COPS4: variants seen among roughly 807,000 people sequenced by gnomAD.
COPS4 encodes COP9 signalosome complex subunit 4.
A neutral mutation model predicts 55.1 loss-of-function variants in COPS4; 8 were observed. The observed-to-expected ratio is 0.15, with a 90% CI of 0.09 to 0.26. COPS4 has a LOEUF of 0.26. Ranked by LOEUF, COPS4 falls within the 10% of genes least tolerant of loss-of-function variation. The pLI, the probability that COPS4 is intolerant of heterozygous loss-of-function variation, is 1.00. For missense variants in COPS4, 248 were observed against 484.0 expected (o/e 0.51, Z 4.58); for synonymous variants, 185 against 165.7 (o/e 1.12, Z -0.90).
rs149835885 is a variant in COPS4, at chr4:83,043,498, G to A, written c.75-2128G>A. Among the ~76,000 whole-genome samples the A allele has an allele frequency of 3.7e-3, 424 of 114,316 alleles. 4 individuals are homozygous for A. Among genetic ancestry groups the A allele is most frequent in the African/African-American group, 0.014 (401 of 28,436 alleles). 75.0% of individuals were successfully genotyped at this position (114,316 alleles called of 152,430 possible). A position where few individuals can be genotyped will look rare whatever the true frequency, so the allele number is the denominator to read the frequency against. On this transcript the variant is annotated intron_variant, in intron 1 of 9. Coordinates refer to ENST00000264389, the MANE Select transcript of COPS4 (RefSeq NM_016129.3). The stretch of plus-strand genomic sequence containing the variant: ...CATGTCACTGCACTCTAGCCTGGGC[G>A]ACAGAGTGAGACCCTGTCTCAAAAA...
In COPS4 at chr4:83,035,310, C is replaced by G. The variant is rs769474210; in HGVS notation, c.74+12C>G. On this transcript the variant is annotated intron_variant, in intron 1 of 9. Coordinates refer to ENST00000264389, the MANE Select transcript of COPS4 (RefSeq NM_016129.3). ...GATCTGGCTGGCAAGTGAGTATTTC[C>G]CAGGAACGCGGGAGTACAGAGGTGG... is the stretch of plus-strand genomic sequence containing the variant. 6.5e-7 allele frequency: 1 copy of G among 1,541,406 alleles called. No homozygotes were observed. The highest frequency in any genetic ancestry group is 1.1e-5 in the South Asian group (1 of 88,652).
chr4:83,055,537 G>A (rs555956049), intron 4 of COPS4, among the ~76,000 whole-genome samples: 6 of 151,714 alleles, frequency 4.0e-5, no homozygotes, highest in South Asian at 2.1e-4. Context: ...TCCACCTCCC[G>A]GGTTCAAGCT....
chr4:83,072,147 C>T (rs1264360758), intron 9 of COPS4, among the ~76,000 whole-genome samples: 1 of 151,896 alleles, frequency 6.6e-6, no homozygotes, highest in Non-Finnish European at 1.5e-5. Flanking sequence ...TGCGATGGCT[C>T]AATCTCGGTT....
chr4:83,042,533 G>A (rs77836826), intron 1 of COPS4, among the ~76,000 whole-genome samples: 1 of 103,954 alleles, frequency 9.6e-6, no homozygotes, highest in Non-Finnish European at 2.2e-5. Flanking sequence ...TTTTTTTTTT[G>A]AGACAAGGTC....
Position 83,063,289 on chromosome 4 carries a change from G to A in COPS4, c.886+43G>A, listed in dbSNP as rs199903632. 905 of 1,345,904 alleles carry A rather than the reference G, an allele frequency of 6.7e-4. 4 individuals are homozygous for A. The highest frequency in any genetic ancestry group is 2.7e-3 in the Middle Eastern group (13 of 4,820). The allele number at this position is 1,345,904 out of a possible 1,614,324, so 83.4% of individuals were successfully genotyped here. A position where few individuals can be genotyped will look rare whatever the true frequency, so the allele number is the denominator to read the frequency against. Reference sequence around the variant, plus strand: ...TGTGTATATGGTAGTCAATGTTTAGGTACAGACTAGTGAAAATCATGTTAA... The same window carrying A: ...TGTGTATATGGTAGTCAATGTTTAGATACAGACTAGTGAAAATCATGTTAA... On this transcript the variant is annotated intron_variant, in intron 7 of 9. Transcript: ENST00000264389.
At chr4:83,046,236 C>A (rs1211909790) in intron 2 of COPS4, among the ~76,000 whole-genome samples, 1 of 151,920 alleles carries the variant, frequency 6.6e-6, no homozygotes, top group East Asian at 1.9e-4. Context: ...ATGTGGGATG[C>A]CATCTAATAT....
intron 4 of COPS4, among the ~76,000 whole-genome samples, chr4:83,052,195 G>T (rs1730904290): frequency 6.6e-6 from 1 of 152,142 alleles, no homozygotes; most frequent in African/African-American, 2.4e-5. Context: ...AAGGTAGGAA[G>T]AAAAACAGGG....
chr4:83,035,971 T>C (rs1391689235), intron 1 of COPS4: 2 of 152,448 alleles, frequency 1.3e-5, no homozygotes, highest in East Asian at 3.8e-4. Context: ...TTAGGTTCAC[T>C]CCAAGTTAAA....
At chr4:83,054,688 T>G (rs919727607) in intron 4 of COPS4, among the ~76,000 whole-genome samples, 9 of 152,358 alleles carry the variant, frequency 5.9e-5, no homozygotes, top group African/African-American at 2.2e-4. Flanking sequence ...GCAATTGATT[T>G]ATTTTCAGTG....
At chr4:83,056,594 C>G (rs562251300) in intron 4 of COPS4, among the ~76,000 whole-genome samples, 3 of 152,014 alleles carry the variant, frequency 2.0e-5, no homozygotes, top group Non-Finnish European at 4.4e-5. Context: ...GTCAGGAGAT[C>G]GAAACCATCC....
chr4:83,068,605 T>C, intron 9 of COPS4, 83 bp downstream of exon 9: 1 of 836,234 alleles, frequency 1.2e-6, no homozygotes. Flanking sequence ...GACAGTTTCC[T>C]TTGACTCAGA....
intron 1 of COPS4, among the ~76,000 whole-genome samples, chr4:83,043,944 A>G (rs992319177): frequency 6.6e-6 from 1 of 152,232 alleles, no homozygotes; most frequent in Non-Finnish European, 1.5e-5. Context: ...GAGAAATCAG[A>G]TAACCAAGGT....
At chr4:83,035,380 C>G (rs1224094932) in intron 1 of COPS4, 82 bp downstream of exon 1, 6 of 1,205,224 alleles carry the variant, frequency 5.0e-6, no homozygotes, top group Non-Finnish European at 6.9e-6. Flanking sequence ...GGCCACGGCT[C>G]TTGGGCGTGA....
At chr4:83,035,502 A>G in intron 1 of COPS4, 3 of 399,754 alleles carry the variant, frequency 7.5e-6, no homozygotes, top group South Asian at 4.1e-5. Flanking sequence ...CTTCGAGGCT[A>G]TAGACTTGAA....
intron 6 of COPS4, among the ~76,000 whole-genome samples, chr4:83,059,741 G>C (rs1039303979): frequency 3.1e-4 from 47 of 151,342 alleles, no homozygotes; most frequent in Middle Eastern, 3.4e-3. Context: ...CTGTTGCCCA[G>C]GCTGGAGTGC....
chr4:83,073,720 T>C (rs931682805), intron 9 of COPS4, among the ~76,000 whole-genome samples: 2 of 152,102 alleles, frequency 1.3e-5, no homozygotes, highest in Non-Finnish European at 2.9e-5. Context: ...TTTGGGAGGC[T>C]GAGGCGGGCG....
chr4:83,072,395 G>T (rs1731457628), intron 9 of COPS4, among the ~76,000 whole-genome samples: 1 of 152,222 alleles, frequency 6.6e-6, no homozygotes, highest in Admixed American at 6.5e-5. Context: ...CCACTGCACT[G>T]CACCCGGCCG....
At chr4:83,073,424 C>T in intron 9 of COPS4, 1 of 410,546 alleles carries the variant, frequency 2.4e-6, no homozygotes, top group Admixed American at 4.2e-5. Context: ...AATTCCACCA[C>T]TGGTTTTCAT....
chr4:83,040,520 C>G (rs1324893194), intron 1 of COPS4, among the ~76,000 whole-genome samples: 1 of 152,156 alleles, frequency 6.6e-6, no homozygotes, highest in Admixed American at 6.5e-5. Context: ...CCCATTTGTG[C>G]AGCTCTATTA....
Sources: allele counts gnomAD v4.1 joint callset (sites outside exome capture counted in the v4.1 genomes callset), GRCh38; gene constraint gnomAD v4.1.1; transcripts MANE v1.5; gene names NCBI Gene and HGNC (gene_info 2026-07-23, HGNC 2026-07-21).